The following FAM107B variants were observed in gnomAD, a reference collection of about 807,000 sequenced individuals.
FAM107B encodes the protein protein FAM107B.
Under a neutral mutation model 31.5 loss-of-function variants are expected in FAM107B, and 21 were observed. The ratio of observed to expected loss-of-function variants is 0.67; its 90% confidence interval spans 0.47 to 0.96. The LOEUF (loss-of-function observed/expected upper bound fraction) is 0.96, where lower values mean the gene tolerates loss of function less well. Among genes scored for constraint, FAM107B ranks in the 40% least tolerant of loss-of-function variants. The pLI is 0.00. For missense variants in FAM107B, 452 were observed against 377.1 expected, an observed-to-expected ratio of 1.20 and a Z score of -1.64; for synonymous variants, 157 against 141.5, an observed-to-expected ratio of 1.11 and a Z score of -0.78.
chr10:14,611,110 T>C (rs1852713455), intron 2 of FAM107B, among the ~76,000 whole-genome samples: 1 of 152,196 alleles, frequency 6.6e-6, no homozygotes, highest in Non-Finnish European at 1.5e-5. Context: ...TTTCTTTACA[T>C]GAATCCAAAA....
intron 2 of FAM107B, among the ~76,000 whole-genome samples, chr10:14,642,722 T>C (rs968397021): frequency 7.2e-5 from 11 of 152,188 alleles, no homozygotes; most frequent in Non-Finnish European, 1.6e-4. Flanking sequence ...CACATTTCCC[T>C]ATAAGCAATC....
intron 3 of FAM107B, chr10:14,522,240 A>T (rs1018620124): frequency 2.5e-5 from 15 of 589,274 alleles, no homozygotes; most frequent in Non-Finnish European, 4.3e-5. Flanking sequence ...CATTCATTCA[A>T]TGACAATGTA....
chr10:14,723,901 T>C (rs940090153), intron 1 of FAM107B: 2 of 752,992 alleles, frequency 2.7e-6, no homozygotes, highest in Admixed American at 1.7e-5. Flanking sequence ...CCAGGTCCTC[T>C]TCAGATTTAT....
intron 1 of FAM107B, among the ~76,000 whole-genome samples, chr10:14,753,862 T>A (rs937690622): frequency 2.0e-5 from 3 of 151,004 alleles, no homozygotes; most frequent in African/African-American, 7.3e-5. Context: ...ATATAAAATA[T>A]AACAAATACT....
At chr10:14,770,757 A>G (rs1231076132) in intron 1 of FAM107B, among the ~76,000 whole-genome samples, 2 of 152,168 alleles carry the variant, frequency 1.3e-5, no homozygotes, top group African/African-American at 2.4e-5. Context: ...AGACTGATCA[A>G]TAGCATTTCT....
chr10:14,580,841 G>C (rs1447923353), intron 2 of FAM107B, among the ~76,000 whole-genome samples: 1 of 152,178 alleles, frequency 6.6e-6, no homozygotes, highest in Non-Finnish European at 1.5e-5. Flanking sequence ...ATACCAAGAT[G>C]GAACGTAATG....
At chr10:14,705,817 C>T (rs1186844188) in intron 1 of FAM107B, among the ~76,000 whole-genome samples, 2 of 152,032 alleles carry the variant, frequency 1.3e-5, no homozygotes, top group South Asian at 2.1e-4. Context: ...ACAATGTAAA[C>T]GTATTTGATG....
chr10:14,582,375 C>CTTTTTTTTTTTTTT (rs71388188), intron 2 of FAM107B, among the ~76,000 whole-genome samples: 1 of 112,084 alleles, frequency 8.9e-6, no homozygotes. Context: ...TTTTTCTTTT[C>CTTTTTTTTTTTTTT]TTTTTTTTTT....
intron 2 of FAM107B, among the ~76,000 whole-genome samples, chr10:14,615,555 C>T (rs1472180774): frequency 1.3e-5 from 2 of 152,214 alleles, no homozygotes; most frequent in Non-Finnish European, 2.9e-5. Context: ...CTCTTCCTCC[C>T]CTCTGTTAGC....
At chr10:14,542,868 T>C (rs1310926909) in intron 2 of FAM107B, among the ~76,000 whole-genome samples, 1 of 152,232 alleles carries the variant, frequency 6.6e-6, no homozygotes, top group Non-Finnish European at 1.5e-5. Context: ...CTTAGACTTT[T>C]GTCTGGTGAG....
chr10:14,754,097 C>A (rs997476547), intron 1 of FAM107B, among the ~76,000 whole-genome samples: 1 of 152,084 alleles, frequency 6.6e-6, no homozygotes, highest in African/African-American at 2.4e-5. Context: ...TGCCACCATG[C>A]CTGGCTAATT....
At chr10:14,738,759 A>G (rs1856368302) in intron 1 of FAM107B, among the ~76,000 whole-genome samples, 1 of 152,176 alleles carries the variant, frequency 6.6e-6, no homozygotes, top group African/African-American at 2.4e-5. Context: ...ACCCCAACAC[A>G]TGGATCGGGC....
At chr10:14,661,405 G>A (rs1008525808) in intron 2 of FAM107B, among the ~76,000 whole-genome samples, 1 of 152,134 alleles carries the variant, frequency 6.6e-6, no homozygotes, top group Non-Finnish European at 1.5e-5. Flanking sequence ...CAGTGTAGGT[G>A]GCCATTACCC....
At chr10:14,538,688 T>C (rs1847885809) in intron 2 of FAM107B, among the ~76,000 whole-genome samples, 1 of 152,210 alleles carries the variant, frequency 6.6e-6, no homozygotes, top group Admixed American at 6.5e-5. Flanking sequence ...TTTTGGTGCA[T>C]GCCCTCCTCT....
intron 2 of FAM107B, among the ~76,000 whole-genome samples, chr10:14,648,054 A>T (rs1272337477): frequency 6.6e-6 from 1 of 150,406 alleles, no homozygotes; most frequent in Admixed American, 6.6e-5. Context: ...GCATATTTGA[A>T]AAGACGTGCC....
At chr10:14,577,553 C>T (rs1851504134) in intron 2 of FAM107B, among the ~76,000 whole-genome samples, 1 of 152,184 alleles carries the variant, frequency 6.6e-6, no homozygotes, top group South Asian at 2.1e-4. Flanking sequence ...ACTGTATTTC[C>T]GAAGGTATAC....
intron 1 of FAM107B, among the ~76,000 whole-genome samples, chr10:14,734,414 G>A (rs1856246915): frequency 6.6e-6 from 1 of 151,948 alleles, no homozygotes; most frequent in African/African-American, 2.4e-5. Context: ...ACCACATGTG[G>A]TCCAGGGCGG....
intron 2 of FAM107B, among the ~76,000 whole-genome samples, chr10:14,658,604 G>A (rs1006039955): frequency 3.3e-5 from 5 of 152,202 alleles, no homozygotes; most frequent in Non-Finnish European, 7.3e-5. Context: ...AATTGTGCGA[G>A]GAGCTGGGGG....
At chr10:14,608,311 T>C (rs1852642926) in intron 2 of FAM107B, among the ~76,000 whole-genome samples, 2 of 152,218 alleles carry the variant, frequency 1.3e-5, no homozygotes, top group African/African-American at 4.8e-5. Flanking sequence ...AAAATCCTAT[T>C]TTTAAGCCAC....
Sources: allele counts gnomAD v4.1 joint callset (sites outside exome capture counted in the v4.1 genomes callset), GRCh38; gene constraint gnomAD v4.1.1; transcripts MANE v1.5; gene names NCBI Gene and HGNC (gene_info 2026-07-23, HGNC 2026-07-21).